The following SLC5A8 variants were observed in gnomAD, a reference collection of about 807,000 sequenced individuals.
SLC5A8 encodes the protein solute carrier family 5 member 8.
Under a neutral mutation model 71.9 loss-of-function variants are expected in SLC5A8, and 55 were observed. That is an observed-to-expected ratio of 0.77 (90% CI 0.62 to 0.96). SLC5A8 has a LOEUF of 0.96. Among genes scored for constraint, SLC5A8 ranks in the 40% least tolerant of loss-of-function variants. The probability of loss-of-function intolerance (pLI) is 0.00; values close to 1 mark genes in which losing one functional copy is unlikely to be tolerated. For missense variants in SLC5A8, 701 were observed against 745.3 expected, an observed-to-expected ratio of 0.94 and a Z score of 0.69; for synonymous variants, 307 against 276.1, an observed-to-expected ratio of 1.11 and a Z score of -1.11.
chr12:101,189,884 C>T (rs1301282590), intron 6 of SLC5A8, among the ~76,000 whole-genome samples: 1 of 152,184 alleles, frequency 6.6e-6, no homozygotes, highest in African/African-American at 2.4e-5. Flanking sequence ...GTATGCCAAA[C>T]ACAGTATTTT....
At chr12:101,170,740 C>G (rs975683489) in intron 10 of SLC5A8, among the ~76,000 whole-genome samples, 1 of 152,168 alleles carries the variant, frequency 6.6e-6, no homozygotes, top group East Asian at 1.9e-4. Context: ...TCCATCCCCC[C>G]AGACTGTCAC....
At chr12:101,205,747 T>C (rs367587375) in intron 1 of SLC5A8, among the ~76,000 whole-genome samples, 1 of 152,166 alleles carries the variant, frequency 6.6e-6, no homozygotes, top group East Asian at 1.9e-4. Flanking sequence ...AGATAGAACA[T>C]CAAGTTGAAA....
intron 3 of SLC5A8, among the ~76,000 whole-genome samples, chr12:101,200,814 C>G (rs147067316): frequency 2.3e-4 from 35 of 152,136 alleles, no homozygotes; most frequent in African/African-American, 8.4e-4. Flanking sequence ...GGGCTCTATT[C>G]TCTCTTAGTA....
chr12:101,196,826 A>G (rs1368997676), intron 3 of SLC5A8, among the ~76,000 whole-genome samples: 8 of 152,196 alleles, frequency 5.3e-5, no homozygotes, highest in African/African-American at 1.9e-4. Flanking sequence ...GCACCTTAAA[A>G]TCAACAGAGG....
intron 5 of SLC5A8, among the ~76,000 whole-genome samples, chr12:101,190,852 C>G (rs1406897234): frequency 6.6e-6 from 1 of 152,020 alleles, no homozygotes; most frequent in East Asian, 1.9e-4. Context: ...ATGTTGCAAT[C>G]CTTCTGAGCA....
Position 101,180,032 on chromosome 12 carries a change from C to A in SLC5A8, c.1230G>T (p.Leu410Phe). ...AALASLMGAL[L>F]QAALSVFGMV... ...ACCTCCAGGGGCCAGCTCTCACCTG[C>A]AACAAAGCTCCCATAAGTGACGCCA... The change falls in exon 10 of 15, where the codon TTG becomes TTT. Residue 410 changes from leucine to phenylalanine, a missense_variant. Transcript: ENST00000536262. The A allele has an allele frequency of 6.2e-7, 1 of 1,613,998 alleles. No homozygotes were observed. The highest frequency in any genetic ancestry group is 8.5e-7 in the Non-Finnish European group (1 of 1,179,902).
intron 9 of SLC5A8, among the ~76,000 whole-genome samples, chr12:101,182,533 G>T (rs564532157): frequency 7.9e-5 from 12 of 152,320 alleles, no homozygotes; most frequent in East Asian, 1.9e-4. Context: ...AGGAAAAAAG[G>T]ACAGCTAAAT....
At position 101,193,477 on chromosome 12, in the gene SLC5A8, C is replaced by T. The variant is rs142211270; in HGVS notation, c.692+148G>A. 1.9e-3 allele frequency: 1,576 copies of T among 839,350 alleles called. 16 individuals carry two copies. In the East Asian group the frequency reaches 0.021, roughly 11 times the overall value. 52.0% of individuals were successfully genotyped at this position (839,350 alleles called of 1,614,324 possible). A position where few individuals can be genotyped will look rare whatever the true frequency, so the allele number is the denominator to read the frequency against. ...TTAAAGAACAGAGGGAGGCTCCTTA[C>T]GTATTTACTTCTCTGCTTCAATTTG... On this transcript the variant is annotated intron_variant, in intron 5 of 14. Transcript: ENST00000536262.
chr12:101,163,838 A>G (rs577315303), intron 12 of SLC5A8, among the ~76,000 whole-genome samples: 31 of 152,348 alleles, frequency 2.0e-4, no homozygotes, highest in Admixed American at 5.2e-4. Context: ...CTTGGTTAAC[A>G]TCGTTTTCAT....
At position 101,162,104 on chromosome 12, in the gene SLC5A8, G is replaced by A. The variant is rs2051729035; in HGVS notation, c.1527-27C>T. The stretch of plus-strand genomic sequence containing the variant: ...TAAGAGAGCAAAAACACAACGGTAA[G>A]ATTTCATGTAATGCCACTAGCAACT... On this transcript the variant is annotated intron_variant, in intron 12 of 14. Coordinates refer to ENST00000536262, the MANE Select transcript of SLC5A8 (RefSeq NM_145913.5). 14 of 1,503,392 alleles carry A rather than the reference G, an allele frequency of 9.3e-6. No individual in the cohort carries two copies. In the East Asian group the frequency reaches 3.2e-4, roughly 34 times the overall value. 93.1% of individuals were successfully genotyped at this position (1,503,392 alleles called of 1,614,324 possible). A position where few individuals can be genotyped will look rare whatever the true frequency, so the allele number is the denominator to read the frequency against.
chr12:101,198,478 A>G (rs1869292710), intron 3 of SLC5A8, among the ~76,000 whole-genome samples: 1 of 152,018 alleles, frequency 6.6e-6, no homozygotes, highest in African/African-American at 2.4e-5. Flanking sequence ...ATAAACATTA[A>G]AAGCATAACA....
At chr12:101,158,165 A>T (rs975093076) in intron 14 of SLC5A8, 84 bp downstream of exon 14, 54 of 965,168 alleles carry the variant, frequency 5.6e-5, no homozygotes, top group Non-Finnish European at 7.6e-5. Flanking sequence ...TCACTTTTCA[A>T]GAAAGAGGTT....
intron 10 of SLC5A8, among the ~76,000 whole-genome samples, chr12:101,168,927 T>C (rs771871133): frequency 1.3e-5 from 2 of 152,180 alleles, no homozygotes; most frequent in African/African-American, 2.4e-5. Context: ...AGGGGTTTAA[T>C]AGAGCAGAAT....
chr12:101,171,232 A>C (rs1307233093), intron 10 of SLC5A8, among the ~76,000 whole-genome samples: 1 of 152,182 alleles, frequency 6.6e-6, no homozygotes, highest in African/African-American at 2.4e-5. Context: ...AGGTTTGTGA[A>C]AATTGCATCG....
intron 9 of SLC5A8, 126 bp downstream of exon 9, chr12:101,182,677 A>T: frequency 3.2e-6 from 2 of 625,274 alleles, no homozygotes; most frequent in Non-Finnish European, 5.5e-6. Context: ...TGTCATAGGC[A>T]TACATATGTG....
At chr12:101,190,637 T>G (rs750253533) in intron 5 of SLC5A8, 29 bp from the exon 6 acceptor site, 3 of 1,586,180 alleles carry the variant, frequency 1.9e-6, no homozygotes, top group Non-Finnish European at 2.6e-6. Flanking sequence ...AAAACAAATC[T>G]GAACTATTAG....
intron 6 of SLC5A8, among the ~76,000 whole-genome samples, chr12:101,188,151 A>G (rs1273165370): frequency 1.3e-5 from 2 of 152,152 alleles, no homozygotes; most frequent in Non-Finnish European, 2.9e-5. Context: ...CAGTAATTCA[A>G]CCTCTCTGAT....
At chr12:101,178,170 G>T (rs2051898638) in intron 10 of SLC5A8, among the ~76,000 whole-genome samples, 1 of 152,064 alleles carries the variant, frequency 6.6e-6, no homozygotes, top group African/African-American at 2.4e-5. Flanking sequence ...CTAAATAAAT[G>T]AAGAGACATA....
At chr12:101,159,366 T>G (rs2051704590) in intron 13 of SLC5A8, among the ~76,000 whole-genome samples, 1 of 152,228 alleles carries the variant, frequency 6.6e-6, no homozygotes, top group Non-Finnish European at 1.5e-5. Context: ...ACAATCTCTG[T>G]GCCCACAGTT....
Sources: gnomAD v4.1 joint callset for allele counts (sites outside exome capture counted in the v4.1 genomes callset) on GRCh38, gnomAD v4.1.1 for gene constraint, MANE v1.5 for transcripts, NCBI Gene and HGNC (gene_info 2026-07-23, HGNC 2026-07-21) for gene names.